Variants in CD36 observed in about 807,000 individuals in gnomAD.
CD36 encodes the protein CD36 molecule (CD36 blood group).
Under a neutral mutation model 55.2 loss-of-function variants are expected in CD36, and 119 were observed. The observed-to-expected ratio is 2.15, with a 90% CI of 1.86 to 2.51. The LOEUF (loss-of-function observed/expected upper bound fraction) is 2.51. Among genes scored for constraint, CD36 ranks in the 30% most tolerant of loss-of-function variants. The pLI, the probability that CD36 is intolerant of heterozygous loss-of-function variation, is 0.00. For synonymous variants in CD36, 186 were observed against 193.6 expected (o/e 0.96, Z 0.33); for missense variants, 819 against 555.5 (o/e 1.47, Z -4.77).
At chr7:80,665,904 A>G (rs1797043064) in intron 7 of CD36, 1 of 153,936 alleles carries the variant, frequency 6.5e-6, no homozygotes, top group African/African-American at 2.4e-5. Context: ...TTCCTACTTT[A>G]ACGCCAGTCC....
At chr7:80,607,164 A>G (rs1266076264) in intron 1 of CD36, among the ~76,000 whole-genome samples, 2 of 152,100 alleles carry the variant, frequency 1.3e-5, no homozygotes, top group Non-Finnish European at 2.9e-5. Context: ...TGTTCTGTCA[A>G]CTCTCCCATG....
chr7:80,604,350 A>ATTTTTTTTTTTTTTTTTTTTT lies in CD36; in HGVS notation c.-184+1991_-184+2011dup, dbSNP rs67213422. ...TACAGTAATTGGCTAAGCCACTGGA[A>ATTTTTTTTTTTTTTTTTTTTT]TTTTTTTTTTTTTTTTTTTTTTTTT... On this transcript the variant is annotated intron_variant, in intron 1 of 13. Coordinates refer to the CD36 transcript ENST00000309881. Among the ~76,000 whole-genome samples the ATTTTTTTTTTTTTTTTTTTTT allele has an allele frequency of 3.1e-4, 17 of 54,294 alleles. 1 individual carries two copies. Among genetic ancestry groups the ATTTTTTTTTTTTTTTTTTTTT allele is most frequent in the Non-Finnish European group, 4.6e-4 (11 of 24,052 alleles). The allele number at this position is 54,294 out of a possible 152,430, so 35.6% of individuals were successfully genotyped here.
At chr7:80,643,989 A>G (rs1794980487) in intron 1 of CD36, among the ~76,000 whole-genome samples, 2 of 152,196 alleles carry the variant, frequency 1.3e-5, no homozygotes, top group Non-Finnish European at 2.9e-5. Context: ...AAATCTCATT[A>G]TCAGTTCACA....
At chr7:80,668,238 A>G (rs1055516281) in intron 8 of CD36, among the ~76,000 whole-genome samples, 10 of 152,194 alleles carry the variant, frequency 6.6e-5, no homozygotes, top group African/African-American at 2.4e-4. Flanking sequence ...AAGGAGAAAA[A>G]TCTTTAAAAA....
chr7:80,634,789 A>G (rs1188150968), upstream of CD36, among the ~76,000 whole-genome samples: 1 of 152,132 alleles, frequency 6.6e-6, no homozygotes, highest in South Asian at 2.1e-4. Flanking sequence ...TACAAATGCT[A>G]AAAGAAAGTT....
chr7:80,655,793 A>C (rs1294701999), intron 3 of CD36, among the ~76,000 whole-genome samples: 2 of 151,896 alleles, frequency 1.3e-5, no homozygotes, highest in Non-Finnish European at 2.9e-5. Context: ...TTCTACTAAA[A>C]CTACAAAAAC....
chr7:80,669,999 G>A lies in CD36; in HGVS notation c.795G>A (p.Gln265=), dbSNP rs755379591. Residue 265 remains glutamine (Q), a synonymous_variant, in exon 9 of 15, where the codon CAG becomes CAA. Coordinates refer to ENST00000447544, the MANE Select transcript of CD36 (RefSeq NM_001001548.3). ...TTGTTGAGAAAAGCCAGGTATTGCA[G>A]TTCTTTTCTTCTGATATTTGCAGGT... is the stretch of plus-strand genomic sequence containing the variant. ...PPFVEKSQVL[Q]FFSSDICRSI... 6.2e-7 allele frequency: 1 copy of A among 1,610,678 alleles called. No individual in the cohort carries two copies.
chr7:80,666,047 A>T (rs1468675783), intron 7 of CD36: 1 of 191,266 alleles, frequency 5.2e-6, no homozygotes, highest in East Asian at 1.4e-4. Flanking sequence ...TACTTAGCTT[A>T]TATCAGTTAC....
intron 1 of CD36, among the ~76,000 whole-genome samples, chr7:80,610,758 T>G (rs550787445): frequency 5.9e-5 from 9 of 152,192 alleles, no homozygotes; most frequent in African/African-American, 1.9e-4. Context: ...GGATTTTTAC[T>G]AGAGACTGGT....
At chr7:80,618,342 C>G (rs1232927001) in intron 1 of CD36, among the ~76,000 whole-genome samples, 1 of 152,142 alleles carries the variant, frequency 6.6e-6, no homozygotes, top group African/African-American at 2.4e-5. Context: ...GTCCCTGAGA[C>G]ATGACTATAT....
At chr7:80,626,798 G>T (rs560625366) in intron 1 of CD36, among the ~76,000 whole-genome samples, 1 of 152,036 alleles carries the variant, frequency 6.6e-6, no homozygotes, top group South Asian at 2.1e-4. Flanking sequence ...TTGAGTATTT[G>T]TTCCCTGTAG....
At chr7:80,638,767 T>G (rs1489184925) in intron 1 of CD36, 21 bp downstream of exon 1, 1 of 151,930 alleles carries the variant, frequency 6.6e-6, no homozygotes, top group East Asian at 1.9e-4. Flanking sequence ...TGATTTTTCT[T>G]TAAATAAAAA....
At chr7:80,656,908 T>C (rs1020128707) in intron 4 of CD36, among the ~76,000 whole-genome samples, 6 of 152,156 alleles carry the variant, frequency 3.9e-5, no homozygotes, top group African/African-American at 1.4e-4. Context: ...GTGGAAGATA[T>C]ATACATTATC....
Position 80,674,064 on chromosome 7 carries a change from A to G in CD36, c.1336A>G (p.Met446Val). 1 of 1,611,992 alleles carries G rather than the reference A, an allele frequency of 6.2e-7. No homozygotes were observed. The highest frequency in any genetic ancestry group is 8.5e-7 in the Non-Finnish European group (1 of 1,178,582). ...GKINLLGLIE[M>V]ILLSVGVVMF... ...AATAAACCTCCTTGGCCTGATAGAA[A>G]TGATCTTACTCAGTGTTGGTGTGGT... The change falls in exon 14 of 15, where the codon ATG (methionine) becomes GTG (valine). Residue 446 changes from methionine (M) to valine (V), a missense_variant. Coordinates refer to ENST00000447544, the MANE Select transcript of CD36 (RefSeq NM_001001548.3).
At chr7:80,674,428 G>T in intron 14 of CD36, 1 of 368,444 alleles carries the variant, frequency 2.7e-6, no homozygotes, top group Non-Finnish European at 5.0e-6. Flanking sequence ...AAATTGACTG[G>T]TTCATTTCTC....
In CD36 at chr7:80,670,724, C is replaced by T; in HGVS notation, c.819-253C>T. 4 of 490,686 alleles carry T rather than the reference C, an allele frequency of 8.2e-6. No individual in the cohort carries two copies. In the South Asian group the frequency reaches 9.4e-5, roughly 12 times the overall value. The allele number at this position is 490,686 out of a possible 1,614,324, so 30.4% of individuals were successfully genotyped here. On this transcript the variant is annotated intron_variant, in intron 9 of 14. Coordinates refer to ENST00000447544, the MANE Select transcript of CD36 (RefSeq NM_001001548.3). ...GAAGGAAGTCCTATAAATATTTACT[C>T]TATTGGATAAATTGCCTGTGAGAAG...
At chr7:80,645,457 C>G (rs1795097171) in intron 1 of CD36, among the ~76,000 whole-genome samples, 1 of 151,550 alleles carries the variant, frequency 6.6e-6, no homozygotes, top group Non-Finnish European at 1.5e-5. Flanking sequence ...CATGGTGAAA[C>G]CCCATCTCTA....
At chr7:80,646,997 C>G in intron 3 of CD36, 137 bp downstream of exon 3, 1 of 881,386 alleles carries the variant, frequency 1.1e-6, no homozygotes, top group Non-Finnish European at 1.8e-6. Context: ...TTATGAACCA[C>G]TGCAACTCTA....
chr7:80,644,606 A>C (rs2116363428), intron 1 of CD36, among the ~76,000 whole-genome samples: 1 of 152,322 alleles, frequency 6.6e-6, no homozygotes, highest in Admixed American at 6.5e-5. Context: ...TACAGGTAAT[A>C]TTTTTGAAAA....
Sources: allele counts gnomAD v4.1 joint callset (sites outside exome capture counted in the v4.1 genomes callset), GRCh38; gene constraint gnomAD v4.1.1; transcripts MANE v1.5; gene names NCBI Gene and HGNC (gene_info 2026-07-23, HGNC 2026-07-21).